The following RNF144A variants were observed in gnomAD, a reference collection of about 807,000 sequenced individuals.
RNF144A encodes the protein ring finger protein 144A.
RNF144A carries 11 observed loss-of-function variants against 38.7 expected under a neutral mutation model. That is an observed-to-expected ratio of 0.28 (90% CI 0.18 to 0.47). The LOEUF (loss-of-function observed/expected upper bound fraction) is 0.47, where lower values mean the gene tolerates loss of function less well. RNF144A is among the 20% of genes least tolerant of loss of function. The probability of loss-of-function intolerance (pLI) is 0.99; values close to 1 mark genes in which losing one functional copy is unlikely to be tolerated. For synonymous variants in RNF144A, 149 were observed against 143.9 expected (o/e 1.04, Z -0.25); for missense variants, 316 against 377.2 (o/e 0.84, Z 1.34).
downstream of RNF144A, among the ~76,000 whole-genome samples, chr2:7,047,734 G>T (rs971815265): frequency 6.6e-6 from 1 of 152,248 alleles, no homozygotes; most frequent in African/African-American, 2.4e-5. Flanking sequence ...CTCAACTGTA[G>T]TTGGAAGAAA....
At position 7,039,936 on chromosome 2, in the gene RNF144A, C is replaced by A; in HGVS notation, c.*176C>A. The A allele has an allele frequency of 1.4e-6, 2 of 1,417,372 alleles. No individual in the cohort carries two copies. Among genetic ancestry groups the A allele is most frequent in the Non-Finnish European group, 1.8e-6 (2 of 1,087,290 alleles). The allele number at this position is 1,417,372 out of a possible 1,614,324, so 87.8% of individuals were successfully genotyped here. A position where few individuals can be genotyped will look rare whatever the true frequency, so the allele number is the denominator to read the frequency against. On this transcript the variant is annotated 3_prime_UTR_variant, in exon 9 of 9. Transcript: ENST00000320892. ...ACCTATGTCACAATGTTCGCTGAGG[C>A]CCCAGGTGTGGTGGGGAGGGGAGGC...
chr2:7,026,826 G>T (rs1425967672), intron 7 of RNF144A, among the ~76,000 whole-genome samples: 3 of 152,146 alleles, frequency 2.0e-5, no homozygotes, highest in Non-Finnish European at 4.4e-5. Context: ...CCCTAAAGCA[G>T]GTTCCGCCCC....
intron 8 of RNF144A, among the ~76,000 whole-genome samples, chr2:7,033,394 G>T (rs541030388): frequency 1.3e-5 from 2 of 152,358 alleles, no homozygotes; most frequent in Non-Finnish European, 2.9e-5. Flanking sequence ...GTGCCCTGGA[G>T]CTGCCAAAGG....
intron 6 of RNF144A, among the ~76,000 whole-genome samples, chr2:7,053,809 A>G (rs771676212): frequency 4.0e-4 from 61 of 152,222 alleles, no homozygotes; most frequent in Non-Finnish European, 2.5e-4. Flanking sequence ...GCACACCTCC[A>G]CTTGTTATAT....
intron 8 of RNF144A, 94 bp from the exon 9 acceptor site, chr2:7,039,535 G>T: frequency 6.5e-7 from 1 of 1,545,730 alleles, no homozygotes; most frequent in Non-Finnish European, 8.7e-7. Flanking sequence ...TGGATGGATG[G>T]ATGGATGGGT....
Position 6,976,884 on chromosome 2 carries a change from C to CT in RNF144A, c.-11-20025dup, listed in dbSNP as rs751287071. On this transcript the variant is annotated intron_variant, in intron 2 of 8. Transcript: ENST00000320892. The stretch of plus-strand genomic sequence containing the variant: ...ATGTCATTCTATAATACATATTCTT[C>CT]TTTTTTTAAAAAAACTGGTCTGATA... 5.3e-5 allele frequency among the ~76,000 whole-genome samples: 8 copies of CT among 152,066 alleles called. 1 individual carries two copies. In the South Asian group the frequency reaches 1.7e-3, roughly 32 times the overall value.
At chr2:6,945,720 T>G (rs1330539923) in intron 2 of RNF144A, among the ~76,000 whole-genome samples, 1 of 152,106 alleles carries the variant, frequency 6.6e-6, no homozygotes, top group Non-Finnish European at 1.5e-5. Context: ...TGTTGACTTT[T>G]TTTTTTTTTG....
chr2:6,955,076 A>G (rs983514055), intron 2 of RNF144A, among the ~76,000 whole-genome samples: 5 of 152,234 alleles, frequency 3.3e-5, no homozygotes, highest in African/African-American at 1.2e-4. Context: ...GGGTGTCTGT[A>G]GAACAATGAC....
At chr2:6,995,404 A>G (rs995280718) in intron 2 of RNF144A, among the ~76,000 whole-genome samples, 1 of 152,112 alleles carries the variant, frequency 6.6e-6, no homozygotes. Flanking sequence ...AACTAATAAG[A>G]TAGATGTTTA....
intron 3 of RNF144A, among the ~76,000 whole-genome samples, chr2:7,013,915 A>G (rs1020909831): frequency 1.3e-5 from 2 of 152,198 alleles, no homozygotes; most frequent in Non-Finnish European, 2.9e-5. Context: ...CAGGGAGATC[A>G]TGGGCATTTT....
chr2:6,935,912 G>A (rs1274039949), intron 1 of RNF144A, among the ~76,000 whole-genome samples: 4 of 152,244 alleles, frequency 2.6e-5, no homozygotes, highest in Non-Finnish European at 5.9e-5. Flanking sequence ...ACAAAAGTCT[G>A]GAAGCGTCTT....
chr2:6,998,889 T>A (rs1669925123), intron 3 of RNF144A, among the ~76,000 whole-genome samples: 1 of 148,690 alleles, frequency 6.7e-6, no homozygotes, highest in African/African-American at 2.5e-5. Flanking sequence ...CAAAAATGCC[T>A]TGTGGGGGGT....
intron 6 of RNF144A, among the ~76,000 whole-genome samples, chr2:7,065,001 A>C (rs941325559): frequency 5.9e-5 from 9 of 152,188 alleles, no homozygotes; most frequent in African/African-American, 1.7e-4. Context: ...TTTCTGTGAC[A>C]ATCTACATTC....
intron 2 of RNF144A, among the ~76,000 whole-genome samples, chr2:6,991,043 T>A (rs893295754): frequency 2.0e-5 from 3 of 152,214 alleles, no homozygotes; most frequent in African/African-American, 7.2e-5. Context: ...CGAATAATAT[T>A]CCACTGCCTG....
At chr2:7,075,629 GA>G in the RNF144A span, among the ~76,000 whole-genome samples, 30 of 152,318 alleles carry the variant, frequency 2.0e-4, no homozygotes, top group South Asian at 6.2e-3. Flanking sequence ...TGACAAAGCA[GA>G]AAGGTTCTCA....
downstream of RNF144A, among the ~76,000 whole-genome samples, chr2:7,071,222 C>G (rs1209990090): frequency 6.6e-6 from 1 of 152,208 alleles, no homozygotes; most frequent in Non-Finnish European, 1.5e-5. Context: ...AGGCATGAGC[C>G]ACCGTGCCTG....
At chr2:6,939,806 A>C (rs771305) in intron 1 of RNF144A, among the ~76,000 whole-genome samples, 6 of 152,130 alleles carry the variant, frequency 3.9e-5, no homozygotes, top group African/African-American at 7.2e-5. Context: ...GAAAAAAAAA[A>C]CACTATCATT....
intron 8 of RNF144A, among the ~76,000 whole-genome samples, chr2:7,033,402 A>T (rs560908891): frequency 2.9e-4 from 44 of 152,328 alleles, no homozygotes; most frequent in African/African-American, 1.0e-3. Context: ...GAGCTGCCAA[A>T]GGCCCACTGG....
chr2:6,934,659 C>G (rs994504775), intron 1 of RNF144A, among the ~76,000 whole-genome samples: 5 of 152,082 alleles, frequency 3.3e-5, no homozygotes, highest in African/African-American at 9.7e-5. Context: ...TATTTTTTCC[C>G]CACCTATAGC....
Sources: gnomAD v4.1 joint callset for allele counts (sites outside exome capture counted in the v4.1 genomes callset) on GRCh38, gnomAD v4.1.1 for gene constraint, MANE v1.5 for transcripts, NCBI Gene and HGNC (gene_info 2026-07-23, HGNC 2026-07-21) for gene names.